The following AFF1 variants were observed in gnomAD, a reference collection of about 807,000 sequenced individuals.
The protein encoded by AFF1 is ALF transcription elongation factor 1, also known as AF4/FMR2 family member 1.
In AFF1, 48 loss-of-function variants were observed where a neutral mutation model predicts 121.7. The observed-to-expected ratio is 0.39, with a 90% CI of 0.31 to 0.50. The LOEUF is 0.50. AFF1 is among the 20% of genes least tolerant of loss of function. The pLI is 0.76. For synonymous variants in AFF1, 613 were observed against 563.0 expected (o/e 1.09, Z -1.26); for missense variants, 1,523 against 1,511.7 (o/e 1.01, Z -0.12).
chr4:87,122,772 T>G (rs1727820330), intron 12 of AFF1, among the ~76,000 whole-genome samples: 1 of 150,380 alleles, frequency 6.6e-6, no homozygotes, highest in African/African-American at 2.5e-5. Context: ...TATAGCAAAC[T>G]GTGAAGAACT....
At chr4:87,030,522 G>A (rs962934909) in intron 2 of AFF1, among the ~76,000 whole-genome samples, 5 of 152,074 alleles carry the variant, frequency 3.3e-5, no homozygotes, top group Non-Finnish European at 7.4e-5. Flanking sequence ...CCCCTTTGCC[G>A]CTGGCAGTCT....
intron 2 of AFF1, among the ~76,000 whole-genome samples, chr4:86,957,910 CT>C (rs920578300): frequency 6.6e-5 from 10 of 152,082 alleles, no homozygotes; most frequent in African/African-American, 2.4e-4. Context: ...CCTTTTTCCT[CT>C]TTTTCTTTGC....
intron 8 of AFF1, among the ~76,000 whole-genome samples, chr4:87,098,110 C>G (rs1291329264): frequency 6.6e-6 from 1 of 152,034 alleles, no homozygotes; most frequent in East Asian, 1.9e-4. Flanking sequence ...AATCCTTAGA[C>G]AAGTGGAATA....
chr4:87,105,602 C>T lies in AFF1; in HGVS notation c.1284-26C>T, dbSNP rs76238324. The T allele has an allele frequency of 7.1e-5, 114 of 1,613,794 alleles. No homozygotes were observed. In the African/African-American group the frequency reaches 1.4e-3, roughly 20 times the overall value. On this transcript the variant is annotated intron_variant, in intron 8 of 20. Coordinates refer to ENST00000395146, the MANE Select transcript of AFF1 (RefSeq NM_001166693.3). ...TGTTAGAAATCATTTCACATTCATT[C>T]TTCTCTGTGTCCCTGCCCATTCCAG...
intron 15 of AFF1, 52 bp downstream of exon 15, chr4:87,127,169 C>CT (rs1553937311): frequency 1.6e-6 from 2 of 1,282,878 alleles, no homozygotes; most frequent in Non-Finnish European, 1.1e-6. Flanking sequence ...TTTTGCTTCC[C>CT]CCCCCCACCA....
chr4:87,065,196 C>G (rs1164255546), intron 4 of AFF1, among the ~76,000 whole-genome samples: 1 of 152,162 alleles, frequency 6.6e-6, no homozygotes, highest in Non-Finnish European at 1.5e-5. Context: ...GGAAGCCTCA[C>G]AGTCATGCGG....
chr4:87,127,156 T>C (rs764589024), intron 15 of AFF1, 39 bp downstream of exon 15: 3 of 1,533,326 alleles, frequency 2.0e-6, no homozygotes, highest in South Asian at 1.1e-5. Flanking sequence ...CTGTTTTGTT[T>C]TGTTTTGCTT....
chr4:87,107,594 G>C (rs542480875), intron 10 of AFF1, among the ~76,000 whole-genome samples: 3 of 152,296 alleles, frequency 2.0e-5, no homozygotes, highest in East Asian at 3.9e-4. Context: ...CCCAGTTCTT[G>C]TTTAGAGAAT....
intron 2 of AFF1, among the ~76,000 whole-genome samples, chr4:87,008,068 G>A (rs1168013343): frequency 6.6e-6 from 1 of 152,198 alleles, no homozygotes; most frequent in Non-Finnish European, 1.5e-5. Flanking sequence ...TACTGTTTTT[G>A]TAATGAGCGT....
chr4:87,034,457 T>G (rs745682649), intron 2 of AFF1, among the ~76,000 whole-genome samples: 1 of 152,226 alleles, frequency 6.6e-6, no homozygotes, highest in East Asian at 1.9e-4. Context: ...TTGTTCCCCA[T>G]GATGTATTTA....
At chr4:87,010,809 C>T (rs1186618971) in intron 2 of AFF1, among the ~76,000 whole-genome samples, 2 of 152,078 alleles carry the variant, frequency 1.3e-5, no homozygotes, top group African/African-American at 4.8e-5. Context: ...TCACCTGGGC[C>T]GGGTGTGGTG....
At chr4:86,940,434 C>T (rs1231643808) in intron 1 of AFF1, among the ~76,000 whole-genome samples, 1 of 152,208 alleles carries the variant, frequency 6.6e-6, no homozygotes, top group Admixed American at 6.5e-5. Flanking sequence ...CAGAGTCTCA[C>T]TCTGTTGCCC....
rs767696930 is a variant in AFF1 at position 86,948,507 on chromosome 4, C to G, written c.-27C>G. The G allele has an allele frequency of 6.5e-7, 1 of 1,535,474 alleles. No individual in the cohort carries two copies. Among genetic ancestry groups the G allele is most frequent in the South Asian group, 1.2e-5 (1 of 83,968 alleles). Reference sequence around the variant, plus strand: ...TTTGTTTCTCTTTCAGATGAACAGACTAGCCACTTTGCATTGACTGGAAAC... The same window carrying G: ...TTTGTTTCTCTTTCAGATGAACAGAGTAGCCACTTTGCATTGACTGGAAAC... On this transcript the variant is annotated 5_prime_UTR_variant, in exon 2 of 21. Coordinates refer to ENST00000395146, the MANE Select transcript of AFF1 (RefSeq NM_001166693.3).
intron 2 of AFF1, among the ~76,000 whole-genome samples, chr4:87,023,841 AGG>A (rs1278664599): frequency 6.6e-6 from 1 of 152,192 alleles, no homozygotes; most frequent in Non-Finnish European, 1.5e-5. Context: ...TTTTAGCTTT[AGG>A]GGGTTTTGTG....
chr4:87,022,582 A>ATATATATATATATATATC (rs1316133807), intron 2 of AFF1, among the ~76,000 whole-genome samples: 17 of 88,566 alleles, frequency 1.9e-4, no homozygotes, highest in Non-Finnish European at 3.4e-4. Context: ...ATATATATAT[A>ATATATATATATATATATC]TCTATCTATA....
intron 8 of AFF1, among the ~76,000 whole-genome samples, chr4:87,102,070 T>TG (rs1725485283): frequency 1.0e-5 from 1 of 100,370 alleles, no homozygotes; most frequent in African/African-American, 3.3e-5. Flanking sequence ...AACAGCTGCC[T>TG]GAAAAAGCAG....
intron 15 of AFF1, among the ~76,000 whole-genome samples, 173 bp from the exon 16 acceptor site, chr4:87,127,470 G>T (rs936593851): frequency 7.2e-5 from 11 of 151,956 alleles, no homozygotes; most frequent in African/African-American, 2.7e-4. Flanking sequence ...GCCACTTCTT[G>T]CTCTTTCTTC....
chr4:86,982,417 T>A (rs7662447), intron 2 of AFF1, among the ~76,000 whole-genome samples: 4,677 of 79,166 alleles, frequency 0.059, 384 homozygotes, highest in African/African-American at 0.21. Context: ...TTTTTTTTTT[T>A]ACAAAGTGCT....
intron 19 of AFF1, 22 bp downstream of exon 19, chr4:87,132,430 A>G: frequency 1.3e-6 from 2 of 1,574,226 alleles, no homozygotes; most frequent in Non-Finnish European, 1.7e-6. Context: ...TCTAATATAA[A>G]TAATTTCCAG....
Sources: gnomAD v4.1 joint callset for allele counts (sites outside exome capture counted in the v4.1 genomes callset) on GRCh38, gnomAD v4.1.1 for gene constraint, MANE v1.5 for transcripts, NCBI Gene and HGNC (gene_info 2026-07-23, HGNC 2026-07-21) for gene names.